Variants in DMXL1 observed in about 807,000 individuals in gnomAD.
DMXL1 encodes the protein Dmx like 1, also known as dmX-like protein 1.
DMXL1 carries 99 observed loss-of-function variants against 319.2 expected under a neutral mutation model. That is an observed-to-expected ratio of 0.31 (90% CI 0.26 to 0.37). DMXL1 has a LOEUF of 0.37. DMXL1 is among the 10% of genes least tolerant of loss of function. The probability of loss-of-function intolerance (pLI) is 1.00; values close to 1 mark genes in which losing one functional copy is unlikely to be tolerated. For missense variants in DMXL1, 3,745 were observed against 3,595.6 expected, an observed-to-expected ratio of 1.04 and a Z score of -1.06; for synonymous variants, 1,385 against 1,235.2, an observed-to-expected ratio of 1.12 and a Z score of -2.54.
intron 9 of DMXL1, chr5:119,127,710 A>AT (rs1221168646): frequency 1.4e-5 from 3 of 214,468 alleles, no homozygotes; most frequent in African/African-American, 7.1e-5. Flanking sequence ...GAGTGCTGGG[A>AT]TTACAGACAT....
chr5:119,245,989 T>C (rs1163588545), intron 43 of DMXL1, among the ~76,000 whole-genome samples: 1 of 152,102 alleles, frequency 6.6e-6, no homozygotes, highest in Non-Finnish European at 1.5e-5. Context: ...ATGAATTTCT[T>C]AGAGTAAAGA....
chr5:119,214,498 T>C (rs1244505970), intron 34 of DMXL1, among the ~76,000 whole-genome samples: 2 of 152,168 alleles, frequency 1.3e-5, no homozygotes, highest in Non-Finnish European at 2.9e-5. Context: ...TTGAACTCTT[T>C]ATTATGTCTT....
chr5:119,139,319 A>G (rs1484141763), intron 13 of DMXL1, among the ~76,000 whole-genome samples: 1 of 152,222 alleles, frequency 6.6e-6, no homozygotes, highest in African/African-American at 2.4e-5. Context: ...TGCCCCACGT[A>G]AAAGGTATAG....
In DMXL1 at chr5:119,150,468, A is replaced by T. The variant is rs192595381; in HGVS notation, c.4594+47A>T. The T allele has an allele frequency of 9.2e-6, 14 of 1,528,372 alleles. No individual in the cohort carries two copies. In the African/African-American group the frequency reaches 1.8e-4, roughly 20 times the overall value. 94.7% of individuals were successfully genotyped at this position (1,528,372 alleles called of 1,614,324 possible). ...ATAACATTTTTACTTACTTTCACAGAAAATAATTTTAAATAATTTTTATTA... is the reference window on the plus strand; with the variant it reads ...ATAACATTTTTACTTACTTTCACAGTAAATAATTTTAAATAATTTTTATTA... On this transcript the variant is annotated intron_variant, in intron 18 of 43. Transcript: ENST00000539542.
In DMXL1 at chr5:119,180,717, A is replaced by C. The variant is rs377006909; in HGVS notation, c.7135+2473A>C. Reference sequence around the variant, plus strand: ...ATGAAATTTGCCTTGGACTATATTTATACTTGAGATATCTGAATTCAATTA... The same window carrying C: ...ATGAAATTTGCCTTGGACTATATTTCTACTTGAGATATCTGAATTCAATTA... On this transcript the variant is annotated intron_variant, in intron 28 of 43. Coordinates refer to ENST00000539542, the MANE Select transcript of DMXL1 (RefSeq NM_001290321.3). 4.0e-4 allele frequency among the ~76,000 whole-genome samples: 61 copies of C among 152,106 alleles called. 1 individual carries two copies. In the South Asian group the frequency reaches 0.013, roughly 32 times the overall value.
rs747042004 is a variant in DMXL1, at chr5:119,193,872, G to A, written c.7359G>A (p.Glu2453=). The A allele has an allele frequency of 1.9e-6, 3 of 1,613,024 alleles. No individual in the cohort carries two copies. Among genetic ancestry groups the A allele is most frequent in the Non-Finnish European group, 2.5e-6 (3 of 1,179,526 alleles). The part of the protein sequence containing the change: ...SSQSRAEYDS[E]ESLGSDDDDN... ...AAAGTAGAGCCGAATATGATTCAGA[G>A]GAGAGTCTGGGAAGTGATGATGATG... The change falls in exon 30 of 44, where the codon GAG becomes GAA. Residue 2453 remains glutamate, a synonymous_variant. Transcript: ENST00000539542.
intron 28 of DMXL1, among the ~76,000 whole-genome samples, chr5:119,178,922 G>T (rs1561809545): frequency 6.6e-6 from 1 of 152,038 alleles, no homozygotes; most frequent in Non-Finnish European, 1.5e-5. Context: ...CTGTCCCTTA[G>T]ACTTTAACAT....
At chr5:119,226,170 T>G (rs1433872888) in intron 38 of DMXL1, among the ~76,000 whole-genome samples, 1 of 152,162 alleles carries the variant, frequency 6.6e-6, no homozygotes, top group African/African-American at 2.4e-5. Flanking sequence ...TACTGCTGTC[T>G]TGAGAGATAA....
intron 13 of DMXL1, among the ~76,000 whole-genome samples, chr5:119,141,933 C>T (rs959512858): frequency 2.0e-5 from 3 of 151,688 alleles, no homozygotes; most frequent in Non-Finnish European, 4.4e-5. Context: ...ACCAATGGAA[C>T]ACAATAGAGA....
At chr5:119,127,349 C>CTT (rs371183556) in intron 9 of DMXL1, 344 of 135,098 alleles carry the variant, frequency 2.5e-3, no homozygotes, top group African/African-American at 6.3e-3. Context: ...GTCCTTTATC[C>CTT]TTTTTTTTTT....
rs1323722884 is a variant in DMXL1 at position 119,220,571 on chromosome 5, G to A, written c.8113G>A (p.Asp2705Asn). 5.6e-6 allele frequency: 9 copies of A among 1,613,462 alleles called. No individual in the cohort carries two copies. Among genetic ancestry groups the A allele is most frequent in the Admixed American group, 1.7e-5 (1 of 59,922 alleles). ...ACAGGTCTACACTTGGGTAGATGATGATATAGAAGTGGAAACCAAAGGGTA... is the reference window on the plus strand; with the variant it reads ...ACAGGTCTACACTTGGGTAGATGATAATATAGAAGTGGAAACCAAAGGGTA... ...ATQVYTWVDD[D>N]IEVETKGSED... The change falls in exon 36 of 44, where the codon GAT becomes AAT. Residue 2705 changes from aspartate to asparagine, a missense_variant. This residue lies in a region of DMXL1 where 1,382 missense variants were observed against 1,269.5 expected (regional missense o/e 1.09). Coordinates refer to ENST00000539542, the MANE Select transcript of DMXL1 (RefSeq NM_001290321.3).
intron 28 of DMXL1, among the ~76,000 whole-genome samples, chr5:119,186,487 A>T (rs1467753244): frequency 6.6e-6 from 1 of 152,134 alleles, no homozygotes; most frequent in Non-Finnish European, 1.5e-5. Context: ...TTGAACTCTA[A>T]GTTCAGTTTT....
intron 4 of DMXL1, among the ~76,000 whole-genome samples, chr5:119,105,811 C>T (rs1229132851): frequency 1.3e-5 from 2 of 150,528 alleles, no homozygotes; most frequent in East Asian, 2.0e-4. Context: ...GCTAGAGAAT[C>T]GTTTGAACCT....
chr5:119,202,083 A>G (rs947096807), intron 32 of DMXL1, among the ~76,000 whole-genome samples: 2 of 151,404 alleles, frequency 1.3e-5, no homozygotes, highest in African/African-American at 2.4e-5. Flanking sequence ...TTCAGCTTTG[A>G]TATTTGTTAT....
chr5:119,100,473 C>T (rs1243157423), intron 2 of DMXL1: 1 of 151,664 alleles, frequency 6.6e-6, no homozygotes, highest in South Asian at 2.1e-4. Context: ...TCATAGGCAC[C>T]TGTATTTTTA....
intron 1 of DMXL1, among the ~76,000 whole-genome samples, chr5:119,095,575 T>C (rs543915368): frequency 6.6e-6 from 1 of 152,322 alleles, no homozygotes; most frequent in East Asian, 1.9e-4. Flanking sequence ...AGTTTTTTTA[T>C]TCCACTGAAA....
At chr5:119,183,072 A>C (rs1490618743) in intron 28 of DMXL1, among the ~76,000 whole-genome samples, 1 of 152,214 alleles carries the variant, frequency 6.6e-6, no homozygotes, top group African/African-American at 2.4e-5. Context: ...GAGGAATGGA[A>C]ATATAAAATG....
At chr5:119,242,325 A>G (rs1447097164) in intron 42 of DMXL1, among the ~76,000 whole-genome samples, 2 of 152,246 alleles carry the variant, frequency 1.3e-5, no homozygotes, top group Non-Finnish European at 2.9e-5. Context: ...TGATGCATCA[A>G]CAATGAACAA....
At chr5:119,221,940 A>G (rs1028295096) in intron 37 of DMXL1, among the ~76,000 whole-genome samples, 1 of 152,060 alleles carries the variant, frequency 6.6e-6, no homozygotes, top group Non-Finnish European at 1.5e-5. Flanking sequence ...CCAAGCCTTT[A>G]TTATTACGTA....
Sources: allele counts gnomAD v4.1 joint callset (sites outside exome capture counted in the v4.1 genomes callset), GRCh38; gene constraint gnomAD v4.1.1; regional missense constraint gnomAD v4.1.1; transcripts MANE v1.5; gene names NCBI Gene and HGNC (gene_info 2026-07-23, HGNC 2026-07-21).